Variants in CD2 observed in about 807,000 individuals in gnomAD.
CD2 encodes T-cell surface antigen CD2.
In CD2, 18 loss-of-function variants were observed where a neutral mutation model predicts 23.2. The observed-to-expected ratio is 0.77, with a 90% confidence interval of 0.54 to 1.15. The LOEUF is 1.15. Ranked by LOEUF, CD2 falls within the 50% of genes most tolerant of loss-of-function variation. CD2 has a pLI of 0.00. For synonymous variants in CD2, 162 were observed against 151.9 expected (o/e 1.07, Z -0.49); for missense variants, 424 against 423.1 (o/e 1.00, Z -0.02).
chr1:116,758,970 T>C (rs1456449711), intron 2 of CD2, among the ~76,000 whole-genome samples: 1 of 152,214 alleles, frequency 6.6e-6, no homozygotes, highest in African/African-American at 2.4e-5. Flanking sequence ...TCTAAACAGC[T>C]TCATTGAGAT....
intron 3 of CD2, 51 bp downstream of exon 3, chr1:116,760,683 G>A (rs1376407456): frequency 7.2e-7 from 1 of 1,387,984 alleles, no homozygotes; most frequent in South Asian, 1.2e-5. Flanking sequence ...CCCTCAGTAG[G>A]CAGAGGCATG....
intron 2 of CD2, 41 bp from the exon 3 acceptor site, chr1:116,760,360 GA>G: frequency 6.5e-7 from 1 of 1,537,816 alleles, no homozygotes; most frequent in Non-Finnish European, 9.0e-7. Context: ...ATTAAAATCA[GA>G]AAATTGCCTA....
chr1:116,764,218 C>G (rs532410416), intron 3 of CD2, among the ~76,000 whole-genome samples: 4 of 152,228 alleles, frequency 2.6e-5, no homozygotes, highest in African/African-American at 9.6e-5. Context: ...GGGCAGTGGG[C>G]AGGCCGGCCT....
intron 4 of CD2, 50 bp downstream of exon 4, chr1:116,764,656 GAAAC>G: frequency 5.8e-6 from 8 of 1,383,552 alleles, no homozygotes; most frequent in Non-Finnish European, 8.2e-6. Flanking sequence ...AAATCCCCAT[GAAAC>G]AGCTCATGGG....
chr1:116,761,451 C>G (rs1248092654), intron 3 of CD2, among the ~76,000 whole-genome samples: 2 of 152,178 alleles, frequency 1.3e-5, no homozygotes, highest in Non-Finnish European at 2.9e-5. Flanking sequence ...GCTCTTGGAT[C>G]CACTTCCAAG....
Position 116,769,137 on chromosome 1 carries a change from A to G in CD2, c.*354A>G. On this transcript the variant is annotated 3_prime_UTR_variant, in exon 5 of 5. Transcript: ENST00000369478. ...GCCTGGGTCTCACTACAAGCAGCCT[A>G]TCTGCTTAAGAGACTCTGGAGTTTC... 1 of 209,248 alleles carries G rather than the reference A, an allele frequency of 4.8e-6. No individual in the cohort carries two copies. Among genetic ancestry groups the G allele is most frequent in the South Asian group, 1.1e-4 (1 of 9,096 alleles). The allele number at this position is 209,248 out of a possible 1,614,324, so 13.0% of individuals were successfully genotyped here. A position where few individuals can be genotyped will look rare whatever the true frequency, so the allele number is the denominator to read the frequency against.
chr1:116,767,564 C>G (rs1652252614), intron 4 of CD2, among the ~76,000 whole-genome samples: 1 of 149,624 alleles, frequency 6.7e-6, no homozygotes, highest in South Asian at 2.1e-4. Flanking sequence ...GCACTCTAGC[C>G]TGGGCAACAA....
chr1:116,766,161 TAACC>T (rs1378905712), intron 4 of CD2, among the ~76,000 whole-genome samples: 1 of 152,202 alleles, frequency 6.6e-6, no homozygotes, highest in African/African-American at 2.4e-5. Flanking sequence ...CTGGGTTGAG[TAACC>T]AGGAGATGCA....
chr1:116,761,035 G>C (rs1246257286), intron 3 of CD2, among the ~76,000 whole-genome samples: 1 of 152,184 alleles, frequency 6.6e-6, no homozygotes, highest in East Asian at 1.9e-4. Context: ...TTAGTGGTCA[G>C]CACCTCCCAT....
At position 116,768,740 on chromosome 1, in the gene CD2, C is replaced by T; in HGVS notation, c.1013C>T (p.Pro338Leu). The T allele has an allele frequency of 6.2e-7, 1 of 1,614,036 alleles. No individual in the cohort carries two copies. Among genetic ancestry groups the T allele is most frequent in the South Asian group, 1.1e-5 (1 of 91,052 alleles). Reference sequence around the variant, plus strand: ...AGACCTCGAGTTCAGCCAAAACCTCCCCATGGGGCAGCAGAAAACTCATTG... The same window carrying T: ...AGACCTCGAGTTCAGCCAAAACCTCTCCATGGGGCAGCAGAAAACTCATTG... ...LPRPRVQPKP[P>L]HGAAENSLSP... The change falls in exon 5 of 5, where the codon CCC becomes CTC. Residue 338 changes from proline to leucine, a missense_variant. Physicochemically the swap from Pro to Leu is moderately conservative, Grantham distance 98. Transcript: ENST00000369478.
chr1:116,755,579 G>A lies in CD2; in HGVS notation c.382+628G>A, dbSNP rs566827617. On this transcript the variant is annotated intron_variant, in intron 2 of 4. Coordinates refer to ENST00000369478, the MANE Select transcript of CD2 (RefSeq NM_001767.5). ...GGAGTGGATATTGAGGATGGGGTTA[G>A]GGAGACTAGTTAGAAAGCTGCTGCT... is the stretch of plus-strand genomic sequence containing the variant. Among the ~76,000 whole-genome samples, 4 of 152,292 alleles carry A rather than the reference G, an allele frequency of 2.6e-5. No homozygotes were observed. In the East Asian group the frequency reaches 7.7e-4, roughly 29 times the overall value.
chr1:116,760,419 A>G lies in CD2; in HGVS notation c.400A>G (p.Lys134Glu), dbSNP rs1652006476. ...LKIQERVSKP[K>E]ISWTCINTTL... ...CTTTTTAGAGAGGGTCTCAAAACCA[A>G]AGATCTCCTGGACTTGTATCAACAC... Residue 134 changes from lysine (K) to glutamate (E), a missense_variant, in exon 3 of 5, where the codon AAG (lysine) becomes GAG (glutamate). Physicochemically the swap from Lys to Glu is moderately conservative, Grantham distance 56. Transcript: ENST00000369478. 11 of 1,614,058 alleles carry G rather than the reference A, an allele frequency of 6.8e-6. No individual in the cohort carries two copies. The highest frequency in any genetic ancestry group is 8.5e-6 in the Non-Finnish European group (10 of 1,179,978).
At chr1:116,757,437 G>A (rs890307536) in intron 2 of CD2, among the ~76,000 whole-genome samples, 3 of 152,112 alleles carry the variant, frequency 2.0e-5, no homozygotes, top group African/African-American at 7.2e-5. Context: ...CAGAATTAAG[G>A]AGTTCTCATC....
intron 3 of CD2, among the ~76,000 whole-genome samples, chr1:116,761,908 GCAGCCTC>G (rs1652067411): frequency 6.6e-6 from 1 of 152,122 alleles, no homozygotes. Flanking sequence ...ATAGCTCTCA[GCAGCCTC>G]CACCTCCCAG....
rs1164450711 is a variant in CD2 at position 116,754,486 on chromosome 1, C to G, written c.-7C>G. On this transcript the variant is annotated 5_prime_UTR_variant, in exon 1 of 5. Transcript: ENST00000369478. Reference sequence around the variant, plus strand: ...CTCAGAATCAAAAGAGGAAACCAACCCCTAAGATGAGCTTTCCATGTAAAT... The same window carrying G: ...CTCAGAATCAAAAGAGGAAACCAACGCCTAAGATGAGCTTTCCATGTAAAT... 1 of 1,613,154 alleles carries G rather than the reference C, an allele frequency of 6.2e-7. No homozygotes were observed. The highest frequency in any genetic ancestry group is 1.3e-5 in the African/African-American group (1 of 74,848).
At chr1:116,758,991 T>G (rs1024536611) in intron 2 of CD2, among the ~76,000 whole-genome samples, 1 of 152,176 alleles carries the variant, frequency 6.6e-6, no homozygotes, top group Non-Finnish European at 1.5e-5. Flanking sequence ...AATTCACCTA[T>G]CATTCAATTT....
At chr1:116,757,482 G>T (rs142309436) in intron 2 of CD2, among the ~76,000 whole-genome samples, 6 of 152,070 alleles carry the variant, frequency 3.9e-5, no homozygotes, top group Admixed American at 2.0e-4. Flanking sequence ...GTTCTAAGAC[G>T]CTATCTTAGT....
intron 2 of CD2, among the ~76,000 whole-genome samples, chr1:116,759,114 C>T (rs115665633): frequency 8.7e-4 from 132 of 152,276 alleles, no homozygotes; most frequent in African/African-American, 3.0e-3. Flanking sequence ...TCTGAAGAGA[C>T]GGGCAAACTT....
chr1:116,759,834 A>G (rs1651981936), intron 2 of CD2, among the ~76,000 whole-genome samples: 1 of 152,122 alleles, frequency 6.6e-6, no homozygotes. Context: ...CCACACACTC[A>G]CATATACCCA....
Sources: gnomAD v4.1 joint callset for allele counts (sites outside exome capture counted in the v4.1 genomes callset) on GRCh38, gnomAD v4.1.1 for gene constraint, MANE v1.5 for transcripts, NCBI Gene and HGNC (gene_info 2026-07-23, HGNC 2026-07-21) for gene names.